The following RSF1 variants were observed in gnomAD, a reference collection of about 807,000 sequenced individuals.
The protein encoded by RSF1 is remodeling and spacing factor 1.
In RSF1, 13 loss-of-function variants were observed where a neutral mutation model predicts 145.2. The observed-to-expected ratio is 0.09, with a 90% confidence interval of 0.06 to 0.14. The LOEUF (loss-of-function observed/expected upper bound fraction) is 0.14, where lower values mean the gene tolerates loss of function less well. RSF1 is among the 10% of genes least tolerant of loss of function. The pLI is 1.00. For synonymous variants in RSF1, 577 were observed against 592.6 expected (o/e 0.97, Z 0.38); for missense variants, 1,517 against 1,718.2 (o/e 0.88, Z 2.07).
chr11:77,697,897 C>T (rs1381247142), intron 7 of RSF1, among the ~76,000 whole-genome samples: 8 of 152,116 alleles, frequency 5.3e-5, no homozygotes, highest in Non-Finnish European at 4.4e-5. Flanking sequence ...AGCCCTACTA[C>T]ATTATTACTT....
In RSF1 at chr11:77,740,777, C is replaced by A; in HGVS notation, c.532G>T (p.Glu178Ter). The A allele has an allele frequency of 6.2e-7, 1 of 1,614,134 alleles. No individual in the cohort carries two copies. The highest frequency in any genetic ancestry group is 8.5e-7 in the Non-Finnish European group (1 of 1,180,008). Reference sequence around the variant, plus strand: ...GAGCCATCTTGATCATCTTGTTCTTCTATGTACATTCTGACATTGTGATCT... The same window carrying A: ...GAGCCATCTTGATCATCTTGTTCTTATATGTACATTCTGACATTGTGATCT... Reference protein sequence around the residue: ...DQDHNVRMYIEEQDDQDGSSW... With the variant: ...DQDHNVRMYI The change falls in exon 4 of 16, where the codon GAA (glutamate) becomes TAA (stop). Residue 178 changes from glutamate to a stop codon, truncating the protein, a stop_gained. Coordinates refer to ENST00000308488, the MANE Select transcript of RSF1 (RefSeq NM_016578.4). LOFTEE classifies it high-confidence loss of function.
At chr11:77,741,472 T>C (rs1947937990) in intron 3 of RSF1, among the ~76,000 whole-genome samples, 2 of 152,054 alleles carry the variant, frequency 1.3e-5, no homozygotes, top group Admixed American at 1.3e-4. Context: ...TGCGGTGAGC[T>C]GTGATCTCGC....
chr11:77,800,960 G>A (rs1948619964), intron 1 of RSF1, among the ~76,000 whole-genome samples: 1 of 151,846 alleles, frequency 6.6e-6, no homozygotes, highest in African/African-American at 2.4e-5. Flanking sequence ...AGCCATAATC[G>A]CACTATCGCA....
rs1233607311 is a variant in RSF1, at chr11:77,664,026, A to G, written c.*2891T>C. The G allele has an allele frequency of 6.6e-6, 1 of 152,150 alleles. No homozygotes were observed. The highest frequency in any genetic ancestry group is 1.5e-5 in the Non-Finnish European group (1 of 68,032). The allele number at this position is 152,150 out of a possible 1,614,324, so 9.4% of individuals were successfully genotyped here. On this transcript the variant is annotated 3_prime_UTR_variant, in exon 16 of 16. Transcript: ENST00000308488. The stretch of plus-strand genomic sequence containing the variant: ...CCAAGACTGTCTAAACTCTACATCA[A>G]TTACTGCTTTCCTATACTTTCTGCA...
chr11:77,832,875 C>T, the RSF1 span, among the ~76,000 whole-genome samples: 1 of 150,612 alleles, frequency 6.6e-6, no homozygotes, highest in Non-Finnish European at 1.5e-5. Flanking sequence ...GACAGTTTTT[C>T]CACAGACCAG....
chr11:77,754,111 T>A (rs758431481), intron 2 of RSF1, among the ~76,000 whole-genome samples: 5 of 152,208 alleles, frequency 3.3e-5, no homozygotes, highest in Non-Finnish European at 2.9e-5. Flanking sequence ...TCAGCTGCTC[T>A]ACATGGGCAG....
chr11:77,764,358 G>A (rs1892868), intron 2 of RSF1: 4,700 of 403,490 alleles, frequency 0.012, 198 homozygotes, highest in African/African-American at 0.09. Flanking sequence ...GAAAAGTCCT[G>A]AGCACAGTGT....
chr11:77,697,708 A>G (rs1049760588), intron 7 of RSF1, among the ~76,000 whole-genome samples: 3 of 151,356 alleles, frequency 2.0e-5, no homozygotes, highest in African/African-American at 7.3e-5. Context: ...TTTATGTTAA[A>G]AAAATTGTAG....
chr11:77,749,092 G>A (rs924730549), intron 2 of RSF1, among the ~76,000 whole-genome samples: 1 of 152,212 alleles, frequency 6.6e-6, no homozygotes, highest in African/African-American at 2.4e-5. Context: ...TATATGAAGT[G>A]TCCAGAATAG....
the RSF1 span, chr11:77,842,343 AAAG>A: frequency 8.5e-6 from 7 of 824,248 alleles, no homozygotes; most frequent in African/African-American, 8.7e-5. Flanking sequence ...TTAGACCTCT[AAAG>A]AAGAAGTAAC....
chr11:77,754,735 C>T (rs768966114), intron 2 of RSF1, among the ~76,000 whole-genome samples: 1 of 151,872 alleles, frequency 6.6e-6, no homozygotes, highest in Admixed American at 6.6e-5. Context: ...CAGTGAGACC[C>T]TGTGTCGAAA....
the RSF1 span, among the ~76,000 whole-genome samples, chr11:77,844,071 A>G: frequency 1.3e-5 from 2 of 152,134 alleles, no homozygotes; most frequent in Non-Finnish European, 2.9e-5. Flanking sequence ...TTAAAAATCT[A>G]AGATGAGATT....
At chr11:77,783,616 C>A (rs991658211) in intron 1 of RSF1, among the ~76,000 whole-genome samples, 1 of 152,036 alleles carries the variant, frequency 6.6e-6, no homozygotes, top group African/African-American at 2.4e-5. Context: ...CTGAGGCGGG[C>A]GGATTGCTTG....
At chr11:77,869,138 TA>T in the RSF1 span, 2 of 254,974 alleles carry the variant, frequency 7.8e-6, no homozygotes, top group Non-Finnish European at 1.5e-5. Flanking sequence ...CCATATTTTC[TA>T]AAAGGCCTAG....
chr11:77,821,249 TGC>T (rs1948883595), upstream of RSF1: 18 of 233,896 alleles, frequency 7.7e-5, 1 homozygote, highest in Middle Eastern at 1.3e-3. Flanking sequence ...TGGGTGAGTT[TGC>T]GGGGGAATCC....
At chr11:77,731,401 A>G (rs1213469571) in intron 4 of RSF1, among the ~76,000 whole-genome samples, 3 of 152,254 alleles carry the variant, frequency 2.0e-5, no homozygotes, top group Non-Finnish European at 2.9e-5. Flanking sequence ...ATAAAAGTTT[A>G]GAAAATTTGC....
intron 5 of RSF1, among the ~76,000 whole-genome samples, chr11:77,725,269 C>G (rs191051876): frequency 6.6e-6 from 1 of 152,244 alleles, no homozygotes; most frequent in East Asian, 1.9e-4. Flanking sequence ...TAAAAAAGTT[C>G]ATTAAATGTC....
intron 4 of RSF1, among the ~76,000 whole-genome samples, chr11:77,731,362 G>A (rs1444402667): frequency 6.6e-6 from 1 of 152,208 alleles, no homozygotes; most frequent in Non-Finnish European, 1.5e-5. Flanking sequence ...TGCTGTTAAA[G>A]TCATTCAGTT....
At chr11:77,725,403 T>G in intron 5 of RSF1, 142 bp downstream of exon 5, 1 of 610,608 alleles carries the variant, frequency 1.6e-6, no homozygotes, top group East Asian at 3.4e-5. Flanking sequence ...TTCTTTAAAT[T>G]AAGGAAAAAT....
Sources: allele counts gnomAD v4.1 joint callset (sites outside exome capture counted in the v4.1 genomes callset), GRCh38; gene constraint gnomAD v4.1.1; transcripts MANE v1.5; gene names NCBI Gene and HGNC (gene_info 2026-07-23, HGNC 2026-07-21).